ZBTB8B: variants seen among roughly 807,000 people sequenced by gnomAD.
ZBTB8B encodes the protein zinc finger and BTB domain-containing protein 8B.
A neutral mutation model predicts 30.3 loss-of-function variants in ZBTB8B; 17 were observed. The observed-to-expected ratio is 0.56, with a 90% CI of 0.38 to 0.84. The LOEUF is 0.84. Ranked by LOEUF, ZBTB8B falls within the 40% of genes least tolerant of loss-of-function variation. The pLI, the probability that ZBTB8B is intolerant of heterozygous loss-of-function variation, is 0.00. For synonymous variants in ZBTB8B, 248 were observed against 255.6 expected, an observed-to-expected ratio of 0.97 and a Z score of 0.28; for missense variants, 515 against 644.9, an observed-to-expected ratio of 0.80 and a Z score of 2.18.
intron 1 of ZBTB8B, among the ~76,000 whole-genome samples, chr1:32,469,933 T>G (rs1048148217): frequency 1.3e-5 from 2 of 152,112 alleles, no homozygotes; most frequent in Non-Finnish European, 2.9e-5. Context: ...GTCACCCAGG[T>G]TGGAGTGCAG....
At position 32,486,671 on chromosome 1, in the gene ZBTB8B, A is replaced by C. The variant is rs1198016706; in HGVS notation, c.*1253A>C. 1.3e-5 allele frequency: 2 copies of C among 152,164 alleles called. No homozygotes were observed. The highest frequency in any genetic ancestry group is 4.8e-5 in the African/African-American group (2 of 41,420). The allele number at this position is 152,164 out of a possible 1,614,324, so 9.4% of individuals were successfully genotyped here. A position where few individuals can be genotyped will look rare whatever the true frequency, so the allele number is the denominator to read the frequency against. ...CATGGCACAGTGATAAGTGTTTCTT[A>C]TGGAAATCTGCTTCCTGCACCACCC... On this transcript the variant is annotated 3_prime_UTR_variant, in exon 4 of 4. Coordinates refer to ENST00000609129, the MANE Select transcript of ZBTB8B (RefSeq NM_001145720.2).
At chr1:32,469,438 A>G (rs1354380508) in intron 1 of ZBTB8B, among the ~76,000 whole-genome samples, 1 of 151,888 alleles carries the variant, frequency 6.6e-6, no homozygotes, top group African/African-American at 2.4e-5. Flanking sequence ...TAGTTTTAGT[A>G]GAGATGGGGT....
At position 32,491,762 on chromosome 1, in the gene ZBTB8B, G is replaced by A. The variant is rs1643780853; in HGVS notation, c.*6344G>A. 6.6e-6 allele frequency: 1 copy of A among 152,196 alleles called. No individual in the cohort carries two copies. The highest frequency in any genetic ancestry group is 1.5e-5 in the Non-Finnish European group (1 of 68,028). The allele number at this position is 152,196 out of a possible 1,614,324, so 9.4% of individuals were successfully genotyped here. A position where few individuals can be genotyped will look rare whatever the true frequency, so the allele number is the denominator to read the frequency against. ...CATTTATAGTTCTCCCAGTCCAGAT[G>A]CAGTTTACCAATTGGGCATCATGTC... On this transcript the variant is annotated 3_prime_UTR_variant, in exon 4 of 4. Coordinates refer to ENST00000609129, the MANE Select transcript of ZBTB8B (RefSeq NM_001145720.2).
Position 32,487,775 on chromosome 1 carries a change from T to C in ZBTB8B, c.*2357T>C, listed in dbSNP as rs1018972342. ...GAGGAACACTTGAGCCTGGAAAAGG[T>C]TGCAGTGAGCTGGAATCGTGCCACT... is the stretch of plus-strand genomic sequence containing the variant. On this transcript the variant is annotated 3_prime_UTR_variant, in exon 4 of 4. Coordinates refer to ENST00000609129, the MANE Select transcript of ZBTB8B (RefSeq NM_001145720.2). The C allele has an allele frequency of 7.3e-5, 11 of 151,284 alleles. No individual in the cohort carries two copies. Among genetic ancestry groups the C allele is most frequent in the African/African-American group, 2.7e-4 (11 of 41,116 alleles). 9.4% of individuals were successfully genotyped at this position (151,284 alleles called of 1,614,324 possible). A position where few individuals can be genotyped will look rare whatever the true frequency, so the allele number is the denominator to read the frequency against.
At position 32,471,047 on chromosome 1, in the gene ZBTB8B, A is replaced by AGCG. The variant is rs1557680864; in HGVS notation, c.432_434dup (p.Ala153dup). 1 of 1,548,326 alleles carries AGCG rather than the reference A, an allele frequency of 6.5e-7. No individual in the cohort carries two copies. Among genetic ancestry groups the AGCG allele is most frequent in the Admixed American group, 2.0e-5 (1 of 50,922 alleles). ...CTGTGGCTGCAGCAGTGGCGGCGGC[A>AGCG]GCGGCGGCGGCTGCAGCGGCGGCAG... On this transcript the variant is annotated inframe_insertion, in exon 2 of 4. Coordinates refer to ENST00000609129, the MANE Select transcript of ZBTB8B (RefSeq NM_001145720.2).
At chr1:32,485,001 G>A in intron 3 of ZBTB8B, 100 bp from the exon 4 acceptor site, 1 of 1,156,858 alleles carries the variant, frequency 8.6e-7, no homozygotes, top group Non-Finnish European at 1.2e-6. Flanking sequence ...TGCTGAAAAA[G>A]GAATCGGGAG....
At position 32,491,271 on chromosome 1, in the gene ZBTB8B, G is replaced by C. The variant is rs1643777992; in HGVS notation, c.*5853G>C. 6.6e-6 allele frequency: 1 copy of C among 152,082 alleles called. No homozygotes were observed. The highest frequency in any genetic ancestry group is 6.6e-5 in the Admixed American group (1 of 15,260). 9.4% of individuals were successfully genotyped at this position (152,082 alleles called of 1,614,324 possible). A position where few individuals can be genotyped will look rare whatever the true frequency, so the allele number is the denominator to read the frequency against. ...GAAGGGTATGGTCAGGATTTTTTTGGAAGTAGAAAAACATACCAAACAGTT... is the reference window on the plus strand; with the variant it reads ...GAAGGGTATGGTCAGGATTTTTTTGCAAGTAGAAAAACATACCAAACAGTT... On this transcript the variant is annotated 3_prime_UTR_variant, in exon 4 of 4. Coordinates refer to ENST00000609129, the MANE Select transcript of ZBTB8B (RefSeq NM_001145720.2).
chr1:32,471,105 C>T lies in ZBTB8B; in HGVS notation c.481C>T (p.Pro161Ser). The T allele has an allele frequency of 6.4e-7, 1 of 1,551,468 alleles. No individual in the cohort carries two copies. Among genetic ancestry groups the T allele is most frequent in the Non-Finnish European group, 8.7e-7 (1 of 1,146,984 alleles). The change falls in exon 2 of 4, where the codon CCC becomes TCC. Residue 161 changes from proline (P) to serine (S), a missense_variant. Coordinates refer to ENST00000609129, the MANE Select transcript of ZBTB8B (RefSeq NM_001145720.2). ...AAAHQVDSES[P>S]SSGREGTSCG... ...GGCTCATCAGGTTGACAGTGAAAGC[C>T]CCAGTTCAGGCCGGGAGGGGACCTC...
At chr1:32,483,906 C>CT (rs1214175591) in intron 3 of ZBTB8B, among the ~76,000 whole-genome samples, 2 of 150,916 alleles carry the variant, frequency 1.3e-5, no homozygotes, top group Non-Finnish European at 3.0e-5. Flanking sequence ...GACCCCATCT[C>CT]TAAAAAAAAA....
In ZBTB8B at chr1:32,492,729, G is replaced by C. The variant is rs1643788140; in HGVS notation, c.*7311G>C. 1 of 152,156 alleles carries C rather than the reference G, an allele frequency of 6.6e-6. No individual in the cohort carries two copies. Among genetic ancestry groups the C allele is most frequent in the South Asian group, 2.1e-4 (1 of 4,824 alleles). The allele number at this position is 152,156 out of a possible 1,614,324, so 9.4% of individuals were successfully genotyped here. On this transcript the variant is annotated 3_prime_UTR_variant, in exon 4 of 4. Transcript: ENST00000609129. ...TAGTTATCAAACAATTATTTATGGA[G>C]TCTTTACTGTATGTCAAGCACGAAG...
At chr1:32,466,350 A>G (rs904056741) in intron 1 of ZBTB8B, among the ~76,000 whole-genome samples, 1 of 152,106 alleles carries the variant, frequency 6.6e-6, no homozygotes, top group African/African-American at 2.4e-5. Flanking sequence ...TCATTTTTCT[A>G]TTCCTGGCAT....
intron 2 of ZBTB8B, among the ~76,000 whole-genome samples, chr1:32,479,923 A>T (rs559150981): frequency 6.6e-6 from 1 of 152,220 alleles, no homozygotes; most frequent in Non-Finnish European, 1.5e-5. Context: ...GTTAATATAA[A>T]TTCCAAACAA....
At chr1:32,481,566 A>G (rs1471247164) in intron 3 of ZBTB8B, among the ~76,000 whole-genome samples, 1 of 152,164 alleles carries the variant, frequency 6.6e-6, no homozygotes, top group African/African-American at 2.4e-5. Flanking sequence ...CATTGTCTCC[A>G]TGTGAGCTGG....
Position 32,470,515 on chromosome 1 carries a change from A to AAAATAAAAAAT in ZBTB8B, c.-41-66_-41-65insTAAAAAATAAA. 2.7e-6 allele frequency: 3 copies of AAAATAAAAAAT among 1,111,962 alleles called. No homozygotes were observed. The African/African-American group carries it at 4.9e-5, about 18-fold the overall frequency. 68.9% of individuals were successfully genotyped at this position (1,111,962 alleles called of 1,614,324 possible). A position where few individuals can be genotyped will look rare whatever the true frequency, so the allele number is the denominator to read the frequency against. On this transcript the variant is annotated intron_variant, in intron 1 of 3. Transcript: ENST00000609129. Reference sequence around the variant, plus strand: ...ACGCTGACTCAAAAAAAAAAAAAAAAAAAAAAAAAAAGAAATCTTGTTTGT... The same window carrying AAAATAAAAAAT: ...ACGCTGACTCAAAAAAAAAAAAAAAAAAATAAAAAATAAAAAAAAAAAGAAATCTTGTTTGT...
In ZBTB8B at chr1:32,465,970, C is replaced by G. The variant is rs763401349; in HGVS notation, c.-42+865C>G. On this transcript the variant is annotated intron_variant, in intron 1 of 3. Transcript: ENST00000609129. The surrounding 1 kb of genome is among the most constrained non-coding windows in gnomAD (Gnocchi z 4.1). Reference sequence around the variant, plus strand: ...CTAAGGTTGGGAGGATCTCTTGAGCCCAGGAGTTCCAGGCTGCATTGAGGT... The same window carrying G: ...CTAAGGTTGGGAGGATCTCTTGAGCGCAGGAGTTCCAGGCTGCATTGAGGT... Among the ~76,000 whole-genome samples, 5 of 152,094 alleles carry G rather than the reference C, an allele frequency of 3.3e-5. No individual in the cohort carries two copies. The highest frequency in any genetic ancestry group is 1.5e-5 in the Non-Finnish European group (1 of 68,020).
chr1:32,469,910 A>G (rs921123994), intron 1 of ZBTB8B, among the ~76,000 whole-genome samples: 7 of 152,168 alleles, frequency 4.6e-5, no homozygotes, highest in Admixed American at 1.3e-4. Flanking sequence ...ATTTTGAGAC[A>G]GAATCTTGCT....
At chr1:32,469,104 G>T (rs953362646) in intron 1 of ZBTB8B, among the ~76,000 whole-genome samples, 1 of 152,022 alleles carries the variant, frequency 6.6e-6, no homozygotes, top group African/African-American at 2.4e-5. Flanking sequence ...GCTGAAGCAG[G>T]AGGGTTGCTT....
At chr1:32,473,755 A>C (rs1004527474) in intron 2 of ZBTB8B, among the ~76,000 whole-genome samples, 2 of 152,132 alleles carry the variant, frequency 1.3e-5, no homozygotes, top group Non-Finnish European at 2.9e-5. Context: ...TCCTGGGATC[A>C]AGCAATCCTC....
rs2148177994 is a variant in ZBTB8B at position 32,465,470 on chromosome 1, G to A, written c.-42+365G>A. Among the ~76,000 whole-genome samples the A allele has an allele frequency of 6.6e-6, 1 of 152,380 alleles. No individual in the cohort carries two copies. The highest frequency in any genetic ancestry group is 2.1e-4 in the South Asian group (1 of 4,832). Reference sequence around the variant, plus strand: ...GGCCACTTTGTCCGCGGGAGGCCATGGGAGGGGCTAGGCCTTGGGGTCCCA... The same window carrying A: ...GGCCACTTTGTCCGCGGGAGGCCATAGGAGGGGCTAGGCCTTGGGGTCCCA... On this transcript the variant is annotated intron_variant, in intron 1 of 3. Coordinates refer to ENST00000609129, the MANE Select transcript of ZBTB8B (RefSeq NM_001145720.2). This position sits in a 1 kb window ranked among gnomAD's most constrained non-coding sequence, Gnocchi z 4.1.
Sources: gnomAD v4.1 joint callset for allele counts (sites outside exome capture counted in the v4.1 genomes callset) on GRCh38, gnomAD v4.1.1 for gene constraint, Gnocchi (gnomAD v3.1) non-coding constraint, MANE v1.5 for transcripts, NCBI Gene and HGNC (gene_info 2026-07-23, HGNC 2026-07-21) for gene names.